The following TMEM117 variants were observed in gnomAD, a reference collection of about 807,000 sequenced individuals.
TMEM117 encodes transmembrane protein 117.
TMEM117 carries 27 observed loss-of-function variants against 52.4 expected under a neutral mutation model. The ratio of observed to expected loss-of-function variants is 0.51; its 90% CI spans 0.38 to 0.71. The LOEUF (loss-of-function observed/expected upper bound fraction) is 0.71. TMEM117 is among the 30% of genes least tolerant of loss of function. The pLI is 0.00. For synonymous variants in TMEM117, 215 were observed against 206.3 expected, an observed-to-expected ratio of 1.04 and a Z score of -0.36; for missense variants, 556 against 630.5, an observed-to-expected ratio of 0.88 and a Z score of 1.26.
chr12:43,976,130 G>A (rs552929363), intron 3 of TMEM117, among the ~76,000 whole-genome samples: 55 of 152,276 alleles, frequency 3.6e-4, no homozygotes, highest in African/African-American at 9.9e-4. Flanking sequence ...AGAGAAGTTT[G>A]TTTTTAGTAA....
intron 3 of TMEM117, among the ~76,000 whole-genome samples, chr12:44,124,797 G>A (rs982167240): frequency 3.3e-5 from 5 of 152,064 alleles, no homozygotes; most frequent in Non-Finnish European, 7.4e-5. Context: ...TGCTAGATTC[G>A]GTTTGTCAAT....
At chr12:44,268,668 A>G (rs1253349905) in intron 5 of TMEM117, among the ~76,000 whole-genome samples, 1 of 152,178 alleles carries the variant, frequency 6.6e-6, no homozygotes, top group Non-Finnish European at 1.5e-5. Flanking sequence ...AGGTATACTA[A>G]CAACTCTCAC....
chr12:43,821,186 A>T, the TMEM117 span, among the ~76,000 whole-genome samples: 1 of 152,198 alleles, frequency 6.6e-6, no homozygotes, highest in African/African-American at 2.4e-5. Flanking sequence ...TTAGGACTAT[A>T]GAATTTTAGG....
chr12:43,996,862 G>A lies in TMEM117; in HGVS notation c.410+52520G>A, dbSNP rs147651626. Among the ~76,000 whole-genome samples, 554 of 152,150 alleles carry A rather than the reference G, an allele frequency of 3.6e-3. 2 individuals carry two copies. The highest frequency in any genetic ancestry group is 0.013 in the African/African-American group (527 of 41,504). On this transcript the variant is annotated intron_variant, in intron 3 of 7. Transcript: ENST00000266534. The stretch of plus-strand genomic sequence containing the variant: ...ACCTTAGGAAAAAAATTTTAACTTG[G>A]AACCTCCCTGGTAGCTGAAGCAGTG...
At chr12:43,855,532 A>T (rs963626609) in intron 2 of TMEM117, among the ~76,000 whole-genome samples, 1 of 152,236 alleles carries the variant, frequency 6.6e-6, no homozygotes, top group African/African-American at 2.4e-5. Context: ...CTAAAGATGT[A>T]CTTTTCTTGT....
At chr12:43,997,765 C>T (rs964246474) in intron 3 of TMEM117, among the ~76,000 whole-genome samples, 2 of 152,162 alleles carry the variant, frequency 1.3e-5, no homozygotes, top group Non-Finnish European at 2.9e-5. Context: ...TCCTCTTTGC[C>T]TCCTACTACC....
intron 5 of TMEM117, among the ~76,000 whole-genome samples, chr12:44,296,531 A>C (rs1950771963): frequency 6.6e-6 from 1 of 152,154 alleles, no homozygotes; most frequent in African/African-American, 2.4e-5. Flanking sequence ...GGGAGCATGG[A>C]TAAGCATGTT....
intron 6 of TMEM117, among the ~76,000 whole-genome samples, chr12:44,301,098 G>C (rs941680848): frequency 2.0e-5 from 3 of 152,162 alleles, no homozygotes; most frequent in African/African-American, 7.2e-5. Context: ...GGTATTAGTA[G>C]CCCAGTAGAC....
the TMEM117 span, chr12:43,798,544 A>G: frequency 1.6e-5 from 25 of 1,517,072 alleles, no homozygotes; most frequent in East Asian, 5.9e-4. Flanking sequence ...AAAACATCAT[A>G]GAACATATGC....
intron 3 of TMEM117, among the ~76,000 whole-genome samples, chr12:44,116,154 G>A (rs1409164510): frequency 6.6e-6 from 1 of 152,056 alleles, no homozygotes; most frequent in Non-Finnish European, 1.5e-5. Flanking sequence ...CTCTCTTTAA[G>A]CATTTCATGC....
chr12:44,244,931 C>G (rs1950110276), intron 5 of TMEM117, among the ~76,000 whole-genome samples: 1 of 151,996 alleles, frequency 6.6e-6, no homozygotes, highest in South Asian at 2.1e-4. Flanking sequence ...TTCCTCAGCA[C>G]CACTTATGAA....
chr12:43,895,545 G>C (rs1944185321), intron 2 of TMEM117, among the ~76,000 whole-genome samples: 2 of 152,204 alleles, frequency 1.3e-5, no homozygotes, highest in Admixed American at 1.3e-4. Context: ...GCAAAGTTCT[G>C]TGATGGGTGC....
chr12:44,161,400 A>T (rs1258133563), intron 4 of TMEM117, among the ~76,000 whole-genome samples: 3 of 152,184 alleles, frequency 2.0e-5, no homozygotes, highest in Non-Finnish European at 4.4e-5. Flanking sequence ...TGATCCCTAC[A>T]TCCTTGTAAG....
chr12:44,172,550 A>G (rs868281026), intron 4 of TMEM117, among the ~76,000 whole-genome samples: 1 of 152,176 alleles, frequency 6.6e-6, no homozygotes, highest in Non-Finnish European at 1.5e-5. Context: ...CCAGTATGAC[A>G]TCTTAACTAA....
chr12:44,076,225 G>A (rs1565817616), intron 3 of TMEM117, among the ~76,000 whole-genome samples: 1 of 152,196 alleles, frequency 6.6e-6, no homozygotes, highest in Non-Finnish European at 1.5e-5. Flanking sequence ...GTGAGGAAAT[G>A]ACATCAGAGA....
intron 2 of TMEM117, among the ~76,000 whole-genome samples, chr12:43,852,502 T>C (rs528486819): frequency 1.3e-5 from 2 of 152,194 alleles, no homozygotes; most frequent in Non-Finnish European, 2.9e-5. Context: ...CTTGGGAGGC[T>C]GAGGCAGCAA....
chr12:44,250,914 T>G (rs773371932), intron 5 of TMEM117, among the ~76,000 whole-genome samples: 5 of 152,160 alleles, frequency 3.3e-5, no homozygotes, highest in African/African-American at 4.8e-5. Flanking sequence ...GGATGACAGG[T>G]TGATAGGTGC....
At chr12:44,229,238 G>GA (rs1949903411) in intron 5 of TMEM117, among the ~76,000 whole-genome samples, 1 of 152,080 alleles carries the variant, frequency 6.6e-6, no homozygotes, top group African/African-American at 2.4e-5. Context: ...CCCAAGTTAT[G>GA]ATGCCAAATT....
rs546178384 is a variant in TMEM117 at position 44,315,886 on chromosome 12, T to C, written c.768+16147T>C. On this transcript the variant is annotated intron_variant, in intron 6 of 7. Transcript: ENST00000266534. ...TATAAAAATAGCAATGATATAAAAA[T>C]AGCAACCCCTGTTCTTTTTTGTTTT... is the stretch of plus-strand genomic sequence containing the variant. Among the ~76,000 whole-genome samples the C allele has an allele frequency of 1.6e-4, 24 of 152,328 alleles. No homozygotes were observed. The South Asian group carries it at 5.0e-3, about 32-fold the overall frequency.
Sources: gnomAD v4.1 joint callset for allele counts (sites outside exome capture counted in the v4.1 genomes callset) on GRCh38, gnomAD v4.1.1 for gene constraint, MANE v1.5 for transcripts, NCBI Gene and HGNC (gene_info 2026-07-23, HGNC 2026-07-21) for gene names.